FBXO47: variants seen among roughly 807,000 people sequenced by gnomAD.
FBXO47 encodes the protein F-box protein 47, also known as F-box only protein 47.
In FBXO47, 34 loss-of-function variants were observed where a neutral mutation model predicts 53.9. The ratio of observed to expected loss-of-function variants is 0.63; its 90% CI spans 0.48 to 0.84. The LOEUF (loss-of-function observed/expected upper bound fraction) is 0.84. Ranked by LOEUF, FBXO47 falls within the 40% of genes least tolerant of loss-of-function variation. The pLI, the probability that FBXO47 is intolerant of heterozygous loss-of-function variation, is 0.00. For synonymous variants in FBXO47, 165 were observed against 181.6 expected, an observed-to-expected ratio of 0.91 and a Z score of 0.73; for missense variants, 485 against 541.3, an observed-to-expected ratio of 0.90 and a Z score of 1.03.
At position 38,961,940 on chromosome 17, in the gene FBXO47, G is replaced by C; in HGVS notation, c.289C>G (p.His97Asp). 6.2e-7 allele frequency: 1 copy of C among 1,614,098 alleles called. No individual in the cohort carries two copies. The highest frequency in any genetic ancestry group is 8.5e-7 in the Non-Finnish European group (1 of 1,179,986). The change falls in exon 3 of 11, where the codon CAT (histidine) becomes GAT (aspartate). Residue 97 changes from histidine (H) to aspartate (D), a missense_variant. By Grantham distance (81) the His-to-Asp change is moderately conservative (BLOSUM62 -1). Coordinates refer to ENST00000378079, the MANE Select transcript of FBXO47 (RefSeq NM_001008777.3). Reference protein sequence around the residue: ...GSKRLLLQDFHNLELPDRRQD... With the variant: ...GSKRLLLQDFDNLELPDRRQD... ...CTCCTGTCAGGCAGCTCAAGGTTAT[G>C]AAAGTCCTGTAGTAAAAGTCTTTTG...
intron 4 of FBXO47, among the ~76,000 whole-genome samples, chr17:38,955,991 C>T (rs1471950123): frequency 1.4e-5 from 2 of 140,382 alleles, no homozygotes; most frequent in African/African-American, 5.5e-5. Flanking sequence ...AAAAAATTAG[C>T]CGAGTGTGGT....
intron 9 of FBXO47, among the ~76,000 whole-genome samples, chr17:38,941,289 C>A (rs1156304670): frequency 5.3e-5 from 8 of 151,732 alleles, no homozygotes; most frequent in Admixed American, 4.6e-4. Context: ...CCTGCCTCAG[C>A]CTCCCGAGTA....
chr17:38,955,890 G>A (rs1905527504), intron 4 of FBXO47, among the ~76,000 whole-genome samples: 2 of 149,966 alleles, frequency 1.3e-5, no homozygotes, highest in African/African-American at 2.5e-5. Flanking sequence ...TCTGGGAGGC[G>A]GAGGTTACAG....
chr17:38,949,896 C>G (rs1905157677), intron 6 of FBXO47, among the ~76,000 whole-genome samples: 1 of 152,062 alleles, frequency 6.6e-6, no homozygotes, highest in African/African-American at 2.4e-5. Context: ...CTTGCCCAGT[C>G]TATCACTGTT....
chr17:38,944,709 A>C (rs1014821761), intron 7 of FBXO47, among the ~76,000 whole-genome samples: 1 of 151,318 alleles, frequency 6.6e-6, no homozygotes, highest in East Asian at 1.9e-4. Flanking sequence ...TCAAAAAAAA[A>C]AAAAAAAAAA....
intron 1 of FBXO47, among the ~76,000 whole-genome samples, chr17:38,965,897 A>T (rs112967842): frequency 0.029 from 4,343 of 150,416 alleles, 216 homozygotes; most frequent in African/African-American, 0.1. Context: ...AAAAAAAAAA[A>T]TAATTACACA....
intron 3 of FBXO47, among the ~76,000 whole-genome samples, chr17:38,960,172 G>A (rs953493076): frequency 1.3e-5 from 2 of 151,760 alleles, no homozygotes; most frequent in Non-Finnish European, 2.9e-5. Context: ...AGTCACACAT[G>A]CCTGTAGTTT....
intron 6 of FBXO47, among the ~76,000 whole-genome samples, chr17:38,945,676 C>T (rs968005525): frequency 6.6e-6 from 1 of 151,768 alleles, no homozygotes; most frequent in African/African-American, 2.4e-5. Flanking sequence ...GTGGCTCACA[C>T]CTGTAATCCC....
chr17:38,960,467 GAATTATACATAT>G (rs1296847474), intron 3 of FBXO47, among the ~76,000 whole-genome samples: 1 of 151,948 alleles, frequency 6.6e-6, no homozygotes, highest in Non-Finnish European at 1.5e-5. Context: ...ACTTTTTACT[GAATTATACATAT>G]AATTGTCTTA....
intron 6 of FBXO47, among the ~76,000 whole-genome samples, chr17:38,946,513 AAT>A (rs1256395066): frequency 1.5e-4 from 13 of 89,264 alleles, no homozygotes; most frequent in African/African-American, 5.3e-4. Context: ...TAACTATATA[AAT>A]ATATATGAAT....
intron 4 of FBXO47, among the ~76,000 whole-genome samples, chr17:38,955,502 G>C (rs1022360200): frequency 5.9e-5 from 9 of 151,388 alleles, no homozygotes; most frequent in Non-Finnish European, 1.3e-4. Flanking sequence ...GGAGTGCAGT[G>C]GCATGACTTT....
rs116981739 is a variant in FBXO47 at position 38,958,456 on chromosome 17, A to T, written c.353-1203T>A. ...GTTAAGAATGTATAAGATTTTGTGTACAGATACTTTAAAAAGAAAAAAAAA... is the reference window on the plus strand; with the variant it reads ...GTTAAGAATGTATAAGATTTTGTGTTCAGATACTTTAAAAAGAAAAAAAAA... On this transcript the variant is annotated intron_variant, in intron 3 of 10. Transcript: ENST00000378079. Among the ~76,000 whole-genome samples, 702 of 147,378 alleles carry T rather than the reference A, an allele frequency of 4.8e-3. 32 individuals are homozygous for T. The East Asian group carries it at 0.099, about 21-fold the overall frequency.
chr17:38,952,517 G>T (rs983152032), intron 5 of FBXO47, among the ~76,000 whole-genome samples: 4 of 151,604 alleles, frequency 2.6e-5, no homozygotes, highest in Admixed American at 1.3e-4. Context: ...TCTTTTCAGA[G>T]AACTTTTTTT....
intron 5 of FBXO47, among the ~76,000 whole-genome samples, chr17:38,952,831 T>G (rs1345310691): frequency 6.7e-6 from 1 of 150,242 alleles, no homozygotes; most frequent in East Asian, 2.0e-4. Flanking sequence ...TTTTTTTTTT[T>G]TTTGTAGAGA....
chr17:38,949,446 A>G (rs1567718546), intron 6 of FBXO47, among the ~76,000 whole-genome samples: 2 of 151,616 alleles, frequency 1.3e-5, no homozygotes, highest in African/African-American at 4.9e-5. Context: ...AAACAAAACA[A>G]AACAACAATA....
intron 1 of FBXO47, among the ~76,000 whole-genome samples, chr17:38,965,086 G>A (rs561446386): frequency 6.6e-5 from 10 of 152,310 alleles, no homozygotes; most frequent in Admixed American, 5.9e-4. Flanking sequence ...CTGACCTCAG[G>A]TGAGCCACCA....
chr17:38,951,402 T>C (rs1219669429), intron 6 of FBXO47, among the ~76,000 whole-genome samples, 179 bp downstream of exon 6: 1 of 151,792 alleles, frequency 6.6e-6, no homozygotes, highest in Non-Finnish European at 1.5e-5. Flanking sequence ...CTATGTTGCC[T>C]AGGCTGCTCT....
intron 1 of FBXO47, among the ~76,000 whole-genome samples, chr17:38,966,295 G>A (rs765215428): frequency 3.9e-5 from 6 of 152,092 alleles, no homozygotes; most frequent in South Asian, 2.1e-4. Context: ...TCCGCCTCCC[G>A]GGTTCAAGCG....
intron 6 of FBXO47, among the ~76,000 whole-genome samples, chr17:38,946,049 A>ATATATATTT (rs1904761797): frequency 1.7e-5 from 2 of 118,942 alleles, no homozygotes; most frequent in African/African-American, 7.3e-5. Flanking sequence ...ATATATATAA[A>ATATATATTT]ATATATAAAT....
Sources: allele counts gnomAD v4.1 joint callset (sites outside exome capture counted in the v4.1 genomes callset), GRCh38; gene constraint gnomAD v4.1.1; transcripts MANE v1.5; gene names NCBI Gene and HGNC (gene_info 2026-07-23, HGNC 2026-07-21).